Variants in TNS4 observed in about 807,000 individuals in gnomAD.
TNS4 encodes tensin 4.
TNS4 carries 46 observed loss-of-function variants against 70.4 expected under a neutral mutation model. The ratio of observed to expected loss-of-function variants is 0.65; its 90% CI spans 0.52 to 0.84. The LOEUF (loss-of-function observed/expected upper bound fraction) is 0.84, where lower values mean the gene tolerates loss of function less well. Ranked by LOEUF, TNS4 falls within the 40% of genes least tolerant of loss-of-function variation. The pLI is 0.00. For missense variants in TNS4, 863 were observed against 907.0 expected (o/e 0.95, Z 0.62); for synonymous variants, 390 against 366.6 (o/e 1.06, Z -0.73).
chr17:40,496,566 G>T, intron 1 of TNS4, 46 bp from the exon 2 acceptor site: 2 of 840,478 alleles, frequency 2.4e-6, no homozygotes, highest in Non-Finnish European at 3.5e-6. Flanking sequence ...TGTAGGTGAA[G>T]CCCCTGCCTC....
Position 40,488,932 on chromosome 17 carries a change from C to T in TNS4, c.477G>A (p.Arg159=), listed in dbSNP as rs753617485. 8 of 1,595,636 alleles carry T rather than the reference C, an allele frequency of 5.0e-6. No individual in the cohort carries two copies. Among genetic ancestry groups the T allele is most frequent in the Non-Finnish European group, 6.8e-6 (8 of 1,173,542 alleles). The change falls in exon 3 of 13, where the codon AGG becomes AGA. Residue 159 remains arginine (R), a synonymous_variant. Coordinates refer to ENST00000254051, the MANE Select transcript of TNS4 (RefSeq NM_032865.6). ...KYIEVTSARS[R]CHDGPQHCSS... ...AGCAGTGCTGGGGGCCATCGTGGCA[C>T]CTTGATCTGGCGGAGGTCACCTCGA... is the stretch of plus-strand genomic sequence containing the variant.
Position 40,477,655 on chromosome 17 carries a change from A to G in TNS4, c.2081T>C (p.Met694Thr). ...GATGACCTGCGAGGCTGGCTGGACC[A>G]TGTCATACTCCGCAAAGAGGTGGCA... ...NVCHLFAEYD[M>T]VQPASQVIGL... is the part of the protein sequence containing the mutation. The change falls in exon 13 of 13, where the codon ATG becomes ACG. Residue 694 changes from methionine to threonine, a missense_variant. Coordinates refer to ENST00000254051, the MANE Select transcript of TNS4 (RefSeq NM_032865.6). 1.9e-6 allele frequency: 3 copies of G among 1,614,106 alleles called. No individual in the cohort carries two copies. The highest frequency in any genetic ancestry group is 2.2e-5 in the East Asian group (1 of 44,858).
intron 6 of TNS4, among the ~76,000 whole-genome samples, chr17:40,482,949 A>G (rs1323499846): frequency 2.0e-5 from 3 of 147,626 alleles, no homozygotes; most frequent in Non-Finnish European, 3.0e-5. Flanking sequence ...AAGAGTTATC[A>G]GGGATTTTTT....
intron 1 of TNS4, among the ~76,000 whole-genome samples, chr17:40,499,842 C>T (rs1457049881): frequency 6.6e-6 from 1 of 152,204 alleles, no homozygotes; most frequent in Non-Finnish European, 1.5e-5. Context: ...GCAGAGGAGG[C>T]TGGGGCTGCT....
At chr17:40,485,054 A>AGCT (rs1266991573) in intron 4 of TNS4, 47 bp from the exon 5 acceptor site, 2 of 1,543,214 alleles carry the variant, frequency 1.3e-6, no homozygotes, top group African/African-American at 1.4e-5. Context: ...GACAGACGGG[A>AGCT]GCTGAGGGAT....
intron 2 of TNS4, among the ~76,000 whole-genome samples, chr17:40,493,625 G>A (rs1048551267): frequency 6.6e-6 from 1 of 152,170 alleles, no homozygotes; most frequent in Non-Finnish European, 1.5e-5. Flanking sequence ...AGGGGCCAGG[G>A]CACAGAGAGG....
Position 40,479,754 on chromosome 17 carries a change from C to T in TNS4, c.1830G>A (p.Glu610=). The change falls in exon 10 of 13, where the codon GAG becomes GAA. Residue 610 remains glutamate, a synonymous_variant. Coordinates refer to ENST00000254051, the MANE Select transcript of TNS4 (RefSeq NM_032865.6). ...AVQKAISTTF[E]RDILPTPTVV... is the part of the protein sequence containing the mutation. ...CGGTGGGCGTGGGGAGGATGTCCCT[C>T]TCAAAGGTGGTGGAGATGGCTTTCT... The T allele has an allele frequency of 6.2e-7, 1 of 1,614,126 alleles. No homozygotes were observed. Among genetic ancestry groups the T allele is most frequent in the Non-Finnish European group, 8.5e-7 (1 of 1,180,022 alleles).
At position 40,487,361 on chromosome 17, in the gene TNS4, G is replaced by T; in HGVS notation, c.963C>A (p.Gly321=). The T allele has an allele frequency of 6.2e-7, 1 of 1,614,210 alleles. No homozygotes were observed. The highest frequency in any genetic ancestry group is 8.5e-7 in the Non-Finnish European group (1 of 1,180,048). The change falls in exon 4 of 13, where the codon GGC becomes GGA. Residue 321 remains glycine, a synonymous_variant. Coordinates refer to ENST00000254051, the MANE Select transcript of TNS4 (RefSeq NM_032865.6). ...TGGGTCTTGTACACAGGGACACTGA[G>T]CCAAGGCTGTGGAGGCTGGAGGAAG... ...ANSSSSLHSL[G]SVSLCTRPSD... is the part of the protein sequence containing the mutation.
intron 2 of TNS4, among the ~76,000 whole-genome samples, chr17:40,495,106 T>G (rs2036125975): frequency 6.6e-6 from 1 of 152,180 alleles, no homozygotes; most frequent in South Asian, 2.1e-4. Context: ...AGCTAGTTAC[T>G]AAACCCAGCC....
Position 40,496,264 on chromosome 17 carries a change from CA to C in TNS4, c.161del (p.Met54ArgfsTer55). On this transcript the variant is annotated frameshift_variant, in exon 2 of 13. Coordinates refer to ENST00000254051, the MANE Select transcript of TNS4 (RefSeq NM_032865.6). LOFTEE classifies it high-confidence loss of function. ...GGGGCCCCATGCAGGGCACGGGGGCCATCAGGGCCTGGGCTCCCCAGCCTTC... is the reference window on the plus strand; with the variant it reads ...GGGGCCCCATGCAGGGCACGGGGGCCTCAGGGCCTGGGCTCCCCAGCCTTC... ...TTEGWGAQALMAPVPCMGPPG... is the reference protein window; with the variant it reads ...TTEGWGAQALXAPVPCMGPPG... 1 of 1,605,152 alleles carries C rather than the reference CA, an allele frequency of 6.2e-7. No homozygotes were observed. Among genetic ancestry groups the C allele is most frequent in the African/African-American group, 1.3e-5 (1 of 74,874 alleles).
At chr17:40,480,882 A>G (rs1357920231) in intron 8 of TNS4, 114 bp from the exon 9 acceptor site, 7 of 1,201,274 alleles carry the variant, frequency 5.8e-6, no homozygotes, top group African/African-American at 1.6e-5. Context: ...CTCCACCCCC[A>G]TCTCCAGGAA....
At chr17:40,492,349 C>T (rs1443619831) in intron 2 of TNS4, among the ~76,000 whole-genome samples, 1 of 151,228 alleles carries the variant, frequency 6.6e-6, no homozygotes, top group Non-Finnish European at 1.5e-5. Context: ...AAAAGCCAGA[C>T]ACTGGGATCA....
chr17:40,480,486 C>T (rs1033396283), intron 9 of TNS4, among the ~76,000 whole-genome samples: 2 of 152,108 alleles, frequency 1.3e-5, no homozygotes, highest in Non-Finnish European at 2.9e-5. Context: ...CACCCCCCAC[C>T]CTGCCCCACT....
chr17:40,488,616 G>A lies in TNS4; in HGVS notation c.793C>T (p.Pro265Ser), dbSNP rs367978662. The change falls in exon 3 of 13, where the codon CCA (proline) becomes TCA (serine). Residue 265 changes from proline (P) to serine (S), a missense_variant. Coordinates refer to ENST00000254051, the MANE Select transcript of TNS4 (RefSeq NM_032865.6). ...RLEKRLGGLA[P>S]QRGSRISVLS... The stretch of plus-strand genomic sequence containing the variant: ...ACAGAGATCCTGCTGCCCCGCTGTG[G>A]GGCCAGGCCTCCCAGCCGCTTCTCC... 3.3e-6 allele frequency: 5 copies of A among 1,518,438 alleles called. No individual in the cohort carries two copies. Among genetic ancestry groups the A allele is most frequent in the Non-Finnish European group, 2.6e-6 (3 of 1,133,632 alleles). 94.1% of individuals were successfully genotyped at this position (1,518,438 alleles called of 1,614,324 possible).
chr17:40,479,399 G>A lies in TNS4; in HGVS notation c.1910+275C>T, dbSNP rs527405926. ...TGACCTCAGGTGATCCGCCCGCCTC[G>A]GCCTCCCAAAGTGCTGGGATTACAG... On this transcript the variant is annotated intron_variant, in intron 10 of 12. Coordinates refer to ENST00000254051, the MANE Select transcript of TNS4 (RefSeq NM_032865.6). Among the ~76,000 whole-genome samples the A allele has an allele frequency of 4.9e-4, 75 of 152,178 alleles. 1 individual carries two copies. In the East Asian group the frequency reaches 8.3e-3, roughly 17 times the overall value.
rs375853689 is a variant in TNS4, at chr17:40,484,906, C to G, written c.1375+15G>C. The stretch of plus-strand genomic sequence containing the variant: ...ACCCAGACCCTATTCTGGGGTCACT[C>G]GTGCTTCCTTTTACCTTGCTCTCGG... On this transcript the variant is annotated intron_variant, in intron 5 of 12. Transcript: ENST00000254051. The G allele has an allele frequency of 3.6e-5, 58 of 1,613,848 alleles. No homozygotes were observed. The African/African-American group carries it at 7.2e-4, about 20-fold the overall frequency.
intron 4 of TNS4, 120 bp from the exon 5 acceptor site, chr17:40,485,127 C>T (rs1225461130): frequency 1.1e-5 from 9 of 795,356 alleles, no homozygotes; most frequent in Non-Finnish European, 1.8e-5. Flanking sequence ...ATTCAACCAC[C>T]ATCCCAGACC....
intron 8 of TNS4, among the ~76,000 whole-genome samples, chr17:40,481,278 T>C (rs1268365600): frequency 3.3e-5 from 5 of 152,246 alleles, no homozygotes; most frequent in African/African-American, 4.8e-5. Context: ...GGTCTGACTC[T>C]GTGGGCCTTT....
rs1597703020 is a variant in TNS4 at position 40,499,041 on chromosome 17, GC to G, written c.-96+2492del. Among the ~76,000 whole-genome samples the G allele has an allele frequency of 5.3e-5, 8 of 152,104 alleles. No homozygotes were observed. In the East Asian group the frequency reaches 1.4e-3, roughly 26 times the overall value. On this transcript the variant is annotated intron_variant, in intron 1 of 12. Coordinates refer to ENST00000254051, the MANE Select transcript of TNS4 (RefSeq NM_032865.6). ...TCATATTGTCTTATGCCCAATTTCTGCCTCCAAAGAAAGAAAAAGTAAAAAC... is the reference window on the plus strand; with the variant it reads ...TCATATTGTCTTATGCCCAATTTCTGCTCCAAAGAAAGAAAAAGTAAAAAC...
Sources: allele counts gnomAD v4.1 joint callset (sites outside exome capture counted in the v4.1 genomes callset), GRCh38; gene constraint gnomAD v4.1.1; transcripts MANE v1.5; gene names NCBI Gene and HGNC (gene_info 2026-07-23, HGNC 2026-07-21).